DNAH14: variants seen among roughly 807,000 people sequenced by gnomAD.
DNAH14 encodes the protein axonemal beta dynein heavy chain 14.
A neutral mutation model predicts 520.9 loss-of-function variants in DNAH14; 478 were observed. That is an observed-to-expected ratio of 0.92 (90% confidence interval 0.85 to 0.99). DNAH14 has a LOEUF of 0.99. DNAH14 is among the 50% of genes least tolerant of loss of function. DNAH14 has a pLI of 0.00. For synonymous variants in DNAH14, 1,581 were observed against 1,757.2 expected, an observed-to-expected ratio of 0.90 and a Z score of 2.51; for missense variants, 4,831 against 5,234.5, an observed-to-expected ratio of 0.92 and a Z score of 2.38.
chr1:225,274,812 A>T (rs1456720604), intron 52 of DNAH14, among the ~76,000 whole-genome samples: 2 of 152,226 alleles, frequency 1.3e-5, no homozygotes, highest in Admixed American at 1.3e-4. Context: ...TTTCTTAAGG[A>T]TGTAAGGATT....
chr1:225,159,884 A>G (rs1337792195), intron 35 of DNAH14, among the ~76,000 whole-genome samples: 3 of 152,164 alleles, frequency 2.0e-5, no homozygotes, highest in East Asian at 3.8e-4. Flanking sequence ...TATAATGACA[A>G]AGTCCTTTAT....
intron 54 of DNAH14, among the ~76,000 whole-genome samples, chr1:225,283,462 A>G (rs892971415): frequency 3.5e-4 from 53 of 151,966 alleles, no homozygotes; most frequent in South Asian, 4.1e-4. Flanking sequence ...AAGACATGCT[A>G]TAATGATGAA....
At chr1:225,040,460 C>T (rs2067377107) in intron 12 of DNAH14, among the ~76,000 whole-genome samples, 1 of 152,052 alleles carries the variant, frequency 6.6e-6, no homozygotes, top group South Asian at 2.1e-4. Flanking sequence ...TTGTACAATG[C>T]ATATGTATTT....
chr1:224,964,215 C>G (rs1008087058), intron 4 of DNAH14, among the ~76,000 whole-genome samples: 2 of 152,204 alleles, frequency 1.3e-5, no homozygotes, highest in Middle Eastern at 3.4e-3. Context: ...GTTCCTATTC[C>G]TAGTCTCTTC....
In DNAH14 at chr1:225,340,468, C is replaced by T. The variant is rs1466251397; in HGVS notation, c.10445C>T (p.Ser3482Phe). 6 of 1,550,140 alleles carry T rather than the reference C, an allele frequency of 3.9e-6. No individual in the cohort carries two copies. The highest frequency in any genetic ancestry group is 4.4e-6 in the Non-Finnish European group (5 of 1,145,946). ...EYNSNFRLYL[S>F]TEIDNPHFLP... ...TTTCTCATGTTCAGGTTATACTTAT[C>T]TACAGAAATAGACAACCCCCATTTT... Residue 3482 changes from serine to phenylalanine, a missense_variant, in exon 69 of 86, where the codon TCT becomes TTT. Physicochemically the swap from Ser to Phe is radical, Grantham distance 155. Coordinates refer to ENST00000682510, the MANE Select transcript of DNAH14 (RefSeq NM_001367479.1).
At chr1:225,273,235 ATC>A in intron 52 of DNAH14, 110 bp downstream of exon 52, 2 of 1,189,304 alleles carry the variant, frequency 1.7e-6, no homozygotes, top group Non-Finnish European at 1.1e-6. Flanking sequence ...GATTGAGACC[ATC>A]CTGGCTAACA....
chr1:225,335,716 C>T (rs1409521760), intron 66 of DNAH14, among the ~76,000 whole-genome samples: 1 of 77,484 alleles, frequency 1.3e-5, no homozygotes, highest in Non-Finnish European at 2.6e-5. Context: ...TATGTATATA[C>T]GCATATATAC....
At chr1:225,227,342 G>T (rs989621356) in intron 41 of DNAH14, among the ~76,000 whole-genome samples, 3 of 152,130 alleles carry the variant, frequency 2.0e-5, no homozygotes, top group Non-Finnish European at 4.4e-5. Context: ...GAATGGCGAT[G>T]ACTTTTACCA....
rs576964604 is a variant in DNAH14, at chr1:225,070,241, C to T, written c.2425-8966C>T. Among the ~76,000 whole-genome samples the T allele has an allele frequency of 2.0e-5, 3 of 152,128 alleles. No homozygotes were observed. The East Asian group carries it at 5.8e-4, about 29-fold the overall frequency. On this transcript the variant is annotated intron_variant, in intron 17 of 85. Transcript: ENST00000682510. Reference sequence around the variant, plus strand: ...TCTGATTTTGGTTATTTCTTGTCTCCTGCTAACTTTGGGATTTGTTTACTC... The same window carrying T: ...TCTGATTTTGGTTATTTCTTGTCTCTTGCTAACTTTGGGATTTGTTTACTC...
intron 73 of DNAH14, among the ~76,000 whole-genome samples, chr1:225,357,420 G>A (rs1044411713): frequency 1.3e-5 from 2 of 152,192 alleles, no homozygotes; most frequent in Middle Eastern, 3.4e-3. Flanking sequence ...GCACATTGGT[G>A]ACAAAAAAAT....
chr1:225,103,892 T>G lies in DNAH14; in HGVS notation c.3867+3008T>G, dbSNP rs896613423. On this transcript the variant is annotated intron_variant, in intron 23 of 85. Coordinates refer to ENST00000682510, the MANE Select transcript of DNAH14 (RefSeq NM_001367479.1). The stretch of plus-strand genomic sequence containing the variant: ...TTGAATACCCTTTATTTCCTTCCCC[T>G]GCCTGATTGCCCTGGCCAGAACTTC... 4.0e-5 allele frequency among the ~76,000 whole-genome samples: 6 copies of G among 149,088 alleles called. No individual in the cohort carries two copies. In the South Asian group the frequency reaches 6.5e-4, roughly 16 times the overall value.
chr1:225,339,629 A>G (rs1299133294), intron 68 of DNAH14, among the ~76,000 whole-genome samples: 1 of 152,192 alleles, frequency 6.6e-6, no homozygotes, highest in Non-Finnish European at 1.5e-5. Context: ...AATAGACAAC[A>G]TGGTCCCCAT....
rs41267349 is a variant in DNAH14, at chr1:224,964,551, C to G, written c.440C>G (p.Pro147Arg). The change falls in exon 5 of 86, where the codon CCG becomes CGG. Residue 147 changes from proline to arginine, a missense_variant. Coordinates refer to ENST00000682510, the MANE Select transcript of DNAH14 (RefSeq NM_001367479.1). Reference sequence around the variant, plus strand: ...AAGCTTGGTTGGCAAACTATATTACCGCAGCACAGTTTGAAATACGGAAGC... The same window carrying G: ...AAGCTTGGTTGGCAAACTATATTACGGCAGCACAGTTTGAAATACGGAAGC... ...REKLGWQTIL[P>R]QHSLKYGSSK... 1 of 1,608,244 alleles carries G rather than the reference C, an allele frequency of 6.2e-7. No homozygotes were observed. The highest frequency in any genetic ancestry group is 1.7e-5 in the Admixed American group (1 of 59,818).
In DNAH14 at chr1:225,023,692, T is replaced by C; in HGVS notation, c.1185T>C (p.Pro395=). Residue 395 remains proline, a synonymous_variant, in exon 11 of 86, where the codon CCT becomes CCC. Coordinates refer to ENST00000682510, the MANE Select transcript of DNAH14 (RefSeq NM_001367479.1). ...SEDDTTHFKL[P]KYRRLLETFF... ...ATGACACAACACATTTCAAGCTGCCTAAATATAGACGTTTATTAGAAACAT... is the reference window on the plus strand; with the variant it reads ...ATGACACAACACATTTCAAGCTGCCCAAATATAGACGTTTATTAGAAACAT... 6.4e-7 allele frequency: 1 copy of C among 1,550,894 alleles called. No homozygotes were observed. The highest frequency in any genetic ancestry group is 8.7e-7 in the Non-Finnish European group (1 of 1,146,528).
At chr1:225,188,760 C>T (rs994968689) in intron 37 of DNAH14, among the ~76,000 whole-genome samples, 2 of 151,914 alleles carry the variant, frequency 1.3e-5, no homozygotes, top group Non-Finnish European at 2.9e-5. Flanking sequence ...TGCGTTGATC[C>T]TGTAGATCAT....
chr1:225,392,053 G>A (rs1423140297), intron 83 of DNAH14, among the ~76,000 whole-genome samples: 1 of 152,140 alleles, frequency 6.6e-6, no homozygotes, highest in African/African-American at 2.4e-5. Context: ...CAGGAGGGGT[G>A]CTGGCCTTGA....
chr1:225,282,556 A>G (rs1381326485), intron 54 of DNAH14, among the ~76,000 whole-genome samples: 1 of 152,204 alleles, frequency 6.6e-6, no homozygotes, highest in Non-Finnish European at 1.5e-5. Context: ...AGAAAGTGAG[A>G]CACAGAAGAG....
At chr1:224,983,070 A>G (rs1226508156) in intron 8 of DNAH14, among the ~76,000 whole-genome samples, 1 of 152,044 alleles carries the variant, frequency 6.6e-6, no homozygotes, top group Non-Finnish European at 1.5e-5. Flanking sequence ...CCCCACTATT[A>G]TTGTGTTGCT....
intron 41 of DNAH14, among the ~76,000 whole-genome samples, chr1:225,214,792 A>C (rs1454804176): frequency 6.7e-6 from 1 of 149,508 alleles, no homozygotes; most frequent in South Asian, 2.1e-4. Flanking sequence ...TTTTATTCTT[A>C]TCTCTTTTAT....
Sources: allele counts gnomAD v4.1 joint callset (sites outside exome capture counted in the v4.1 genomes callset), GRCh38; gene constraint gnomAD v4.1.1; transcripts MANE v1.5; gene names NCBI Gene and HGNC (gene_info 2026-07-23, HGNC 2026-07-21).